The following GRXCR1 variants were observed in gnomAD, a reference collection of about 807,000 sequenced individuals.
The protein encoded by GRXCR1 is glutaredoxin domain-containing cysteine-rich protein 1.
Under a neutral mutation model 27.3 loss-of-function variants are expected in GRXCR1, and 27 were observed. The ratio of observed to expected loss-of-function variants is 0.99; its 90% CI spans 0.73 to 1.37. The LOEUF (loss-of-function observed/expected upper bound fraction) is 1.37. GRXCR1 is among the 40% of genes most tolerant of loss of function. The pLI is 0.00. For synonymous variants in GRXCR1, 122 were observed against 131.1 expected, an observed-to-expected ratio of 0.93 and a Z score of 0.47; for missense variants, 379 against 354.4, an observed-to-expected ratio of 1.07 and a Z score of -0.56.
At chr4:43,028,071 C>A (rs1364591266) in intron 3 of GRXCR1, among the ~76,000 whole-genome samples, 2 of 151,178 alleles carry the variant, frequency 1.3e-5, no homozygotes, top group Non-Finnish European at 2.9e-5. Flanking sequence ...GAGGTCGCAC[C>A]ACTGCACTCC....
In GRXCR1 at chr4:42,893,436, A is replaced by C. The variant is rs774677364; in HGVS notation, c.170A>C (p.Asp57Ala). The C allele has an allele frequency of 1.2e-6, 2 of 1,613,896 alleles. No individual in the cohort carries two copies. The highest frequency in any genetic ancestry group is 1.7e-6 in the Non-Finnish European group (2 of 1,179,842). ...ASICGIDGLGDSDGQQNGHIE... is the reference protein window; with the variant it reads ...ASICGIDGLGASDGQQNGHIE... ...ATCTGTGGGATAGATGGACTAGGTG[A>C]TTCCGATGGACAGCAGAATGGCCAC... The change falls in exon 1 of 4, where the codon GAT becomes GCT. Residue 57 changes from aspartate to alanine, a missense_variant. Transcript: ENST00000399770.
At chr4:42,944,130 T>C (rs1010482352) in intron 1 of GRXCR1, among the ~76,000 whole-genome samples, 2 of 152,108 alleles carry the variant, frequency 1.3e-5, no homozygotes, top group Admixed American at 1.3e-4. Context: ...CACCCCAATA[T>C]AAATTGGCCT....
intron 2 of GRXCR1, among the ~76,000 whole-genome samples, chr4:43,011,909 T>A (rs921802023): frequency 1.3e-5 from 2 of 152,212 alleles, no homozygotes; most frequent in African/African-American, 4.8e-5. Context: ...GCTGCAATGA[T>A]GGATCTTCAG....
In GRXCR1 at chr4:42,972,473, C is replaced by G. The variant is rs150394526; in HGVS notation, c.627+9339C>G. Reference sequence around the variant, plus strand: ...AGAAATTTAAAATTTAGAACAAAAGCCAGACTTTTAGAATTTAAGCAGTTG... The same window carrying G: ...AGAAATTTAAAATTTAGAACAAAAGGCAGACTTTTAGAATTTAAGCAGTTG... On this transcript the variant is annotated intron_variant, in intron 2 of 3. Coordinates refer to ENST00000399770, the MANE Select transcript of GRXCR1 (RefSeq NM_001080476.3). Among the ~76,000 whole-genome samples the G allele has an allele frequency of 3.9e-3, 596 of 152,200 alleles. 4 individuals carry two copies. The highest frequency in any genetic ancestry group is 0.014 in the African/African-American group (575 of 41,534).
chr4:42,939,187 T>C lies in GRXCR1; in HGVS notation c.385-23705T>C, dbSNP rs569521608. 2.6e-5 allele frequency among the ~76,000 whole-genome samples: 4 copies of C among 152,226 alleles called. No homozygotes were observed. The South Asian group carries it at 8.3e-4, about 31-fold the overall frequency. On this transcript the variant is annotated intron_variant, in intron 1 of 3. Coordinates refer to ENST00000399770, the MANE Select transcript of GRXCR1 (RefSeq NM_001080476.3). ...TGTCCTCTTCAATTTCTTGCATCAA[T>C]GTTTTGTAGTTTTCATTGTGGAGAT...
chr4:43,006,474 CCCA>C (rs1309789302), intron 2 of GRXCR1, among the ~76,000 whole-genome samples: 1 of 152,084 alleles, frequency 6.6e-6, no homozygotes, highest in Non-Finnish European at 1.5e-5. Flanking sequence ...AAACAGCTCC[CCCA>C]GGTGCATCTG....
rs1746262799 is a variant in GRXCR1, at chr4:42,892,756, G to T, written c.-511G>T. ...TATGCAGGCATGCAGCATGCAGCGTGTTCACTGCCCTTTAAAGAATAAATA... is the reference window on the plus strand; with the variant it reads ...TATGCAGGCATGCAGCATGCAGCGTTTTCACTGCCCTTTAAAGAATAAATA... On this transcript the variant is annotated 5_prime_UTR_variant, in exon 1 of 4. Transcript: ENST00000399770. The T allele has an allele frequency of 1.2e-5, 2 of 167,618 alleles. No homozygotes were observed. The allele number at this position is 167,618 out of a possible 1,614,324, so 10.4% of individuals were successfully genotyped here. A position where few individuals can be genotyped will look rare whatever the true frequency, so the allele number is the denominator to read the frequency against.
At chr4:42,979,607 A>G (rs1393044335) in intron 2 of GRXCR1, among the ~76,000 whole-genome samples, 1 of 151,768 alleles carries the variant, frequency 6.6e-6, no homozygotes, top group South Asian at 2.1e-4. Flanking sequence ...TAGTTTATTT[A>G]TTTATTTTTA....
At chr4:42,933,319 C>T (rs974200570) in intron 1 of GRXCR1, among the ~76,000 whole-genome samples, 8 of 151,822 alleles carry the variant, frequency 5.3e-5, no homozygotes, top group Non-Finnish European at 7.4e-5. Flanking sequence ...TGCTTGAACC[C>T]GCTAGCTGGA....
chr4:42,895,544 C>T (rs1403115317), intron 1 of GRXCR1, among the ~76,000 whole-genome samples: 2 of 152,046 alleles, frequency 1.3e-5, no homozygotes, highest in African/African-American at 2.4e-5. Flanking sequence ...CTGGTATCTC[C>T]AGGACAAAAC....
chr4:42,974,298 G>A (rs1399568777), intron 2 of GRXCR1, among the ~76,000 whole-genome samples: 1 of 152,090 alleles, frequency 6.6e-6, no homozygotes, highest in Non-Finnish European at 1.5e-5. Context: ...CTTCTTGTGG[G>A]TTCCTTTATT....
chr4:43,007,867 T>G (rs576086685), intron 2 of GRXCR1, among the ~76,000 whole-genome samples: 5 of 152,342 alleles, frequency 3.3e-5, no homozygotes, highest in African/African-American at 9.6e-5. Context: ...TCTTTGGCTT[T>G]TACTCTCACA....
intron 1 of GRXCR1, among the ~76,000 whole-genome samples, chr4:42,949,260 G>A (rs1747822635): frequency 6.7e-6 from 1 of 149,834 alleles, no homozygotes; most frequent in African/African-American, 2.5e-5. Flanking sequence ...AGCTACCTGG[G>A]AGGCTGAGTC....
At chr4:42,931,796 A>T (rs1747317046) in intron 1 of GRXCR1, among the ~76,000 whole-genome samples, 1 of 151,942 alleles carries the variant, frequency 6.6e-6, no homozygotes, top group African/African-American at 2.4e-5. Flanking sequence ...TATCAACTAT[A>T]GTCACTATAT....
chr4:42,962,179 T>C (rs1480011614), intron 1 of GRXCR1, among the ~76,000 whole-genome samples: 1 of 151,992 alleles, frequency 6.6e-6, no homozygotes, highest in Non-Finnish European at 1.5e-5. Context: ...CATCTTGTTT[T>C]TGAGTGTTGC....
At chr4:42,912,859 A>G (rs959541962) in intron 1 of GRXCR1, among the ~76,000 whole-genome samples, 1 of 152,152 alleles carries the variant, frequency 6.6e-6, no homozygotes, top group South Asian at 2.1e-4. Context: ...GGTGGGACAC[A>G]TGTAGATAAT....
chr4:42,909,986 T>A (rs1196414298), intron 1 of GRXCR1, among the ~76,000 whole-genome samples: 1 of 151,808 alleles, frequency 6.6e-6, no homozygotes, highest in Non-Finnish European at 1.5e-5. Flanking sequence ...CGAGACTGGG[T>A]AATTTACAAA....
rs193211319 is a variant in GRXCR1, at chr4:42,972,209, A to C, written c.627+9075A>C. On this transcript the variant is annotated intron_variant, in intron 2 of 3. Transcript: ENST00000399770. ...TATTATTTAACTATGGAACTGATGA[A>C]ATTTAGGTTTTTATTACTCTTCCTT... Among the ~76,000 whole-genome samples, 106 of 152,198 alleles carry C rather than the reference A, an allele frequency of 7.0e-4. 1 individual carries two copies. The highest frequency in any genetic ancestry group is 4.9e-3 in the Admixed American group (75 of 15,268).
intron 1 of GRXCR1, among the ~76,000 whole-genome samples, chr4:42,913,850 GC>G (rs1244027220): frequency 6.6e-6 from 1 of 152,166 alleles, no homozygotes; most frequent in African/African-American, 2.4e-5. Flanking sequence ...CATCCCAGCT[GC>G]TTCAGCTCCA....
Sources: allele counts gnomAD v4.1 joint callset (sites outside exome capture counted in the v4.1 genomes callset), GRCh38; gene constraint gnomAD v4.1.1; transcripts MANE v1.5; gene names NCBI Gene and HGNC (gene_info 2026-07-23, HGNC 2026-07-21).